The following NOX4 variants were observed in gnomAD, a reference collection of about 807,000 sequenced individuals.
The protein encoded by NOX4 is NADPH oxidase 4.
In NOX4, 69 loss-of-function variants were observed where a neutral mutation model predicts 87.6. The ratio of observed to expected loss-of-function variants is 0.79; its 90% CI spans 0.65 to 0.96. The LOEUF is 0.96. Among genes scored for constraint, NOX4 ranks in the 40% least tolerant of loss-of-function variants. The pLI, the probability that NOX4 is intolerant of heterozygous loss-of-function variation, is 0.00. For missense variants in NOX4, 680 were observed against 681.5 expected, an observed-to-expected ratio of 1.00 and a Z score of 0.02; for synonymous variants, 275 against 238.2, an observed-to-expected ratio of 1.15 and a Z score of -1.42.
chr11:89,557,935 AAGG>A, the NOX4 span, among the ~76,000 whole-genome samples: 1 of 152,116 alleles, frequency 6.6e-6, no homozygotes, highest in African/African-American at 2.4e-5. Flanking sequence ...AAGAGAAGAA[AAGG>A]AGGAGAGATT....
chr11:89,543,543 A>T, the NOX4 span, among the ~76,000 whole-genome samples: 1 of 152,118 alleles, frequency 6.6e-6, no homozygotes. Flanking sequence ...TATTCCTGAC[A>T]ATTTTAAAGG....
At chr11:89,500,932 C>T (rs915529947), upstream of NOX4, among the ~76,000 whole-genome samples, 1 of 152,004 alleles carries the variant, frequency 6.6e-6, no homozygotes, top group Non-Finnish European at 1.5e-5. Flanking sequence ...TAATAAAAAA[C>T]AAAATACATG....
rs926912881 is a variant in NOX4 at position 89,361,723 on chromosome 11, C to T, written c.1136-6680G>A. On this transcript the variant is annotated intron_variant, in intron 12 of 17. Transcript: ENST00000263317. Reference sequence around the variant, plus strand: ...TTGACTGAGACTATTCTGGTTTATTCCTGCTGTCCTAGCATCCTGCTCCAT... The same window carrying T: ...TTGACTGAGACTATTCTGGTTTATTTCTGCTGTCCTAGCATCCTGCTCCAT... Among the ~76,000 whole-genome samples the T allele has an allele frequency of 8.9e-4, 135 of 152,178 alleles. 1 individual carries two copies. The highest frequency in any genetic ancestry group is 3.2e-3 in the African/African-American group (134 of 41,540).
At chr11:89,555,183 A>T in the NOX4 span, among the ~76,000 whole-genome samples, 1 of 18,790 alleles carries the variant, frequency 5.3e-5, no homozygotes, top group Non-Finnish European at 1.6e-4. Context: ...CAGAGTTGTT[A>T]AAAAAAAAAT....
At chr11:89,482,425 C>T (rs1946427639) in intron 2 of NOX4, among the ~76,000 whole-genome samples, 1 of 151,964 alleles carries the variant, frequency 6.6e-6, no homozygotes, top group African/African-American at 2.4e-5. Context: ...TAAATGAGGT[C>T]ATTGGGATGG....
the NOX4 span, among the ~76,000 whole-genome samples, chr11:89,535,181 A>AT: frequency 6.6e-6 from 1 of 152,330 alleles, no homozygotes; most frequent in Non-Finnish European, 1.5e-5. Flanking sequence ...GTCCCCTAAG[A>AT]TAAAAAAAAG....
the NOX4 span, chr11:89,577,771 T>C: frequency 6.6e-6 from 1 of 152,154 alleles, no homozygotes; most frequent in Admixed American, 6.5e-5. Flanking sequence ...AGTACATGAG[T>C]GAAATAATTA....
At chr11:89,398,126 G>A (rs1388679377) in intron 11 of NOX4, among the ~76,000 whole-genome samples, 1 of 151,792 alleles carries the variant, frequency 6.6e-6, no homozygotes, top group African/African-American at 2.4e-5. Context: ...CCGAGATCAA[G>A]TTGGCTTAAT....
intron 5 of NOX4, among the ~76,000 whole-genome samples, chr11:89,440,936 G>A (rs187269946): frequency 1.3e-5 from 2 of 152,224 alleles, no homozygotes; most frequent in Admixed American, 1.3e-4. Context: ...ATCCATCTGA[G>A]GCAAAATACT....
chr11:89,449,884 A>T (rs1944879091), intron 3 of NOX4, among the ~76,000 whole-genome samples: 1 of 152,194 alleles, frequency 6.6e-6, no homozygotes, highest in South Asian at 2.1e-4. Flanking sequence ...TGGCAGAATA[A>T]GATTAGGGTA....
intron 11 of NOX4, among the ~76,000 whole-genome samples, chr11:89,396,944 G>T: frequency 6.7e-6 from 1 of 150,288 alleles, no homozygotes; most frequent in African/African-American, 2.5e-5. Context: ...TCCTTGACTT[G>T]AACTCAGCTC....
At chr11:89,328,037 C>A (rs1432559616) in intron 17 of NOX4, among the ~76,000 whole-genome samples, 1 of 152,124 alleles carries the variant, frequency 6.6e-6, no homozygotes, top group Non-Finnish European at 1.5e-5. Context: ...CTGCTGGCTG[C>A]AGCAGACAGG....
intron 11 of NOX4, among the ~76,000 whole-genome samples, chr11:89,390,830 G>T (rs1941070861): frequency 6.6e-6 from 1 of 152,090 alleles, no homozygotes; most frequent in African/African-American, 2.4e-5. Context: ...CTCCTCTTTT[G>T]TTAGAGAGAA....
chr11:89,485,013 T>C (rs970427315), intron 2 of NOX4, among the ~76,000 whole-genome samples: 3 of 152,146 alleles, frequency 2.0e-5, no homozygotes, highest in African/African-American at 7.2e-5. Flanking sequence ...GAAACTAACA[T>C]TGACTTAAAA....
rs1279514924 is a variant in NOX4, at chr11:89,324,606, T to C, written c.*2150A>G. ...ATCATCTTTCTTTTGAAAAATCTTC[T>C]ACCTGTTTTAATGAAATTAGGTCTA... On this transcript the variant is annotated 3_prime_UTR_variant, in exon 18 of 18. Coordinates refer to ENST00000263317, the MANE Select transcript of NOX4 (RefSeq NM_016931.5). The C allele has an allele frequency of 6.6e-6, 1 of 152,234 alleles. No individual in the cohort carries two copies. Among genetic ancestry groups the C allele is most frequent in the Non-Finnish European group, 1.5e-5 (1 of 68,046 alleles). 9.4% of individuals were successfully genotyped at this position (152,234 alleles called of 1,614,324 possible). A position where few individuals can be genotyped will look rare whatever the true frequency, so the allele number is the denominator to read the frequency against.
At chr11:89,554,314 C>G in the NOX4 span, among the ~76,000 whole-genome samples, 2 of 152,004 alleles carry the variant, frequency 1.3e-5, no homozygotes, top group Non-Finnish European at 2.9e-5. Flanking sequence ...TTATCATAAA[C>G]TACCTTCACA....
the NOX4 span, among the ~76,000 whole-genome samples, chr11:89,532,619 G>A: frequency 1.3e-5 from 2 of 152,176 alleles, no homozygotes; most frequent in African/African-American, 2.4e-5. Flanking sequence ...GCTGGAATGA[G>A]TTAAGACTTC....
At chr11:89,463,876 T>A (rs1045611493) in intron 2 of NOX4, among the ~76,000 whole-genome samples, 1 of 151,948 alleles carries the variant, frequency 6.6e-6, no homozygotes, top group Non-Finnish European at 1.5e-5. Context: ...GAGTGATAGG[T>A]TTTTCTTGTT....
the NOX4 span, among the ~76,000 whole-genome samples, chr11:89,582,253 T>C: frequency 6.6e-6 from 1 of 152,280 alleles, no homozygotes; most frequent in Non-Finnish European, 1.5e-5. Flanking sequence ...ACACACACTA[T>C]ATATTCCATA....
Sources: allele counts gnomAD v4.1 joint callset (sites outside exome capture counted in the v4.1 genomes callset), GRCh38; gene constraint gnomAD v4.1.1; transcripts MANE v1.5; gene names NCBI Gene and HGNC (gene_info 2026-07-23, HGNC 2026-07-21).